Variants in CNTN1 observed in about 807,000 individuals in gnomAD.
CNTN1 encodes contactin-1.
Under a neutral mutation model 126.4 loss-of-function variants are expected in CNTN1, and 38 were observed. The observed-to-expected ratio is 0.30, with a 90% CI of 0.23 to 0.39. The LOEUF (loss-of-function observed/expected upper bound fraction) is 0.39, where lower values mean the gene tolerates loss of function less well. CNTN1 is among the 10% of genes least tolerant of loss of function. The pLI is 1.00. For missense variants in CNTN1, 1,009 were observed against 1,248.4 expected (o/e 0.81, Z 2.89); for synonymous variants, 413 against 422.6 (o/e 0.98, Z 0.28).
At chr12:40,881,886 T>C (rs1455031475) in intron 1 of CNTN1, among the ~76,000 whole-genome samples, 1 of 151,926 alleles carries the variant, frequency 6.6e-6, no homozygotes, top group Non-Finnish European at 1.5e-5. Context: ...TTCTATATGT[T>C]AATTCTAGAC....
At chr12:40,830,553 TA>T (rs929638235) in intron 1 of CNTN1, among the ~76,000 whole-genome samples, 15 of 151,352 alleles carry the variant, frequency 9.9e-5, no homozygotes, top group African/African-American at 7.3e-5. Context: ...AATCAATGTA[TA>T]AAAAATTCTG....
intron 6 of CNTN1, 76 bp from the exon 7 acceptor site, chr12:40,929,720 G>A (rs1440665890): frequency 9.2e-7 from 1 of 1,086,088 alleles, no homozygotes; most frequent in Non-Finnish European, 1.4e-6. Flanking sequence ...GTGATAGCTT[G>A]TTACTAGCCT....
chr12:40,829,560 C>T (rs2136545265), intron 1 of CNTN1, among the ~76,000 whole-genome samples: 1 of 151,984 alleles, frequency 6.6e-6, no homozygotes, highest in Non-Finnish European at 1.5e-5. Flanking sequence ...GCATAAAATG[C>T]TACATTTTAT....
chr12:40,841,758 G>C (rs1200859257), intron 1 of CNTN1, among the ~76,000 whole-genome samples: 1 of 151,934 alleles, frequency 6.6e-6, no homozygotes, highest in Non-Finnish European at 1.5e-5. Context: ...AACAAACTAG[G>C]TATAGAAGGA....
chr12:40,921,941 G>A (rs1945457208), intron 4 of CNTN1, among the ~76,000 whole-genome samples: 1 of 152,036 alleles, frequency 6.6e-6, no homozygotes, highest in African/African-American at 2.4e-5. Flanking sequence ...TGCATAGATG[G>A]CTATCAATTA....
At chr12:40,968,956 G>A (rs1411717603) in intron 15 of CNTN1, among the ~76,000 whole-genome samples, 1 of 152,058 alleles carries the variant, frequency 6.6e-6, no homozygotes, top group Non-Finnish European at 1.5e-5. Flanking sequence ...CTGAGTTATT[G>A]ATAATTCCAA....
At chr12:40,892,972 C>T (rs1351016154) in intron 1 of CNTN1, among the ~76,000 whole-genome samples, 1 of 139,892 alleles carries the variant, frequency 7.1e-6, no homozygotes, top group Non-Finnish European at 1.5e-5. Flanking sequence ...GGTGAATAAA[C>T]AAATACATGA....
At chr12:40,908,965 G>T (rs1021634726) in intron 2 of CNTN1, among the ~76,000 whole-genome samples, 2 of 152,086 alleles carry the variant, frequency 1.3e-5, no homozygotes, top group African/African-American at 4.8e-5. Flanking sequence ...TTTGTTCTTA[G>T]TATAATTTAT....
At chr12:40,943,865 T>C (rs1448366765) in intron 13 of CNTN1, 130 bp from the exon 14 acceptor site, 11 of 1,379,188 alleles carry the variant, frequency 8.0e-6, no homozygotes, top group African/African-American at 5.8e-5. Context: ...GATATTGTTC[T>C]TGGAATTTGG....
At chr12:40,793,646 C>G (rs951365326) in intron 1 of CNTN1, among the ~76,000 whole-genome samples, 1 of 152,006 alleles carries the variant, frequency 6.6e-6, no homozygotes, top group African/African-American at 2.4e-5. Flanking sequence ...CTGTGTCATC[C>G]TTTAGTACTT....
chr12:40,947,780 T>TACACACAC (rs1254129058), intron 14 of CNTN1, among the ~76,000 whole-genome samples: 4 of 67,584 alleles, frequency 5.9e-5, no homozygotes, highest in Admixed American at 1.9e-4. Flanking sequence ...TATATATATA[T>TACACACAC]ATACACACAC....
chr12:40,743,704 T>C (rs1035980651), intron 1 of CNTN1, among the ~76,000 whole-genome samples: 1 of 151,934 alleles, frequency 6.6e-6, no homozygotes, highest in Non-Finnish European at 1.5e-5. Flanking sequence ...GGATATTAGA[T>C]AGATTGCAAA....
chr12:41,000,198 A>G (rs748427989), intron 17 of CNTN1, among the ~76,000 whole-genome samples: 36 of 152,344 alleles, frequency 2.4e-4, no homozygotes, highest in African/African-American at 7.7e-4. Flanking sequence ...AATATTGCTT[A>G]TAATGAAAAA....
intron 1 of CNTN1, among the ~76,000 whole-genome samples, chr12:40,870,795 TAAAA>T (rs1294487506): frequency 6.6e-6 from 1 of 151,968 alleles, no homozygotes; most frequent in Non-Finnish European, 1.5e-5. Context: ...CACAAATAAA[TAAAA>T]AGCTTATTAT....
At chr12:40,722,290 A>G (rs1285700168) in intron 1 of CNTN1, among the ~76,000 whole-genome samples, 1 of 152,198 alleles carries the variant, frequency 6.6e-6, no homozygotes, top group Admixed American at 6.5e-5. Context: ...TATCTTATCT[A>G]TTCCACTTGG....
intron 15 of CNTN1, chr12:40,978,721 C>A (rs1489813165): frequency 6.6e-6 from 1 of 152,042 alleles, no homozygotes; most frequent in South Asian, 2.1e-4. Context: ...TTTATTCTGA[C>A]CTTTATGAAA....
intron 1 of CNTN1, among the ~76,000 whole-genome samples, chr12:40,731,328 G>A (rs73110852): frequency 0.15 from 22,929 of 151,766 alleles, 2,092 homozygotes; most frequent in African/African-American, 0.25. Context: ...TTTTAAAGAG[G>A]CCAAACAGGA....
intron 1 of CNTN1, among the ~76,000 whole-genome samples, chr12:40,885,612 G>A (rs546794430): frequency 6.6e-6 from 1 of 152,066 alleles, no homozygotes; most frequent in Non-Finnish European, 1.5e-5. Context: ...TTTTCTGTGA[G>A]AACTCCAATG....
At position 41,055,246 on chromosome 12, in the gene CNTN1, A is replaced by T. The variant is rs191392951; in HGVS notation, c.2981-14713A>T. Among the ~76,000 whole-genome samples, 274 of 152,268 alleles carry T rather than the reference A, an allele frequency of 1.8e-3. 1 individual carries two copies. Among genetic ancestry groups the T allele is most frequent in the Admixed American group, 1.4e-3 (21 of 15,272 alleles). On this transcript the variant is annotated intron_variant, in intron 23 of 23. Coordinates refer to ENST00000551295, the MANE Select transcript of CNTN1 (RefSeq NM_001843.4). ...TACATTAATTTAGAGTATTATAAGC[A>T]GTGGCTTAGAATAAGAGTTTACTTT...
Sources: gnomAD v4.1 joint callset for allele counts (sites outside exome capture counted in the v4.1 genomes callset) on GRCh38, gnomAD v4.1.1 for gene constraint, MANE v1.5 for transcripts, NCBI Gene and HGNC (gene_info 2026-07-23, HGNC 2026-07-21) for gene names.